Variants in SLC4A7 observed in about 807,000 individuals in gnomAD.
SLC4A7 encodes the protein solute carrier family 4 member 7.
A neutral mutation model predicts 137.6 loss-of-function variants in SLC4A7; 51 were observed. The ratio of observed to expected loss-of-function variants is 0.37; its 90% CI spans 0.30 to 0.47. SLC4A7 has a LOEUF of 0.47. Ranked by LOEUF, SLC4A7 falls within the 20% of genes least tolerant of loss-of-function variation. SLC4A7 has a pLI of 1.00. For missense variants in SLC4A7, 1,247 were observed against 1,525.4 expected, an observed-to-expected ratio of 0.82 and a Z score of 3.04; for synonymous variants, 542 against 518.6, an observed-to-expected ratio of 1.05 and a Z score of -0.61.
chr3:27,461,311 A>C (rs2058683190), intron 1 of SLC4A7, among the ~76,000 whole-genome samples: 1 of 151,982 alleles, frequency 6.6e-6, no homozygotes, highest in Admixed American at 6.6e-5. Flanking sequence ...GGCAGGGAGA[A>C]TTGCTTGAAC....
In SLC4A7 at chr3:27,424,400, A is replaced by G. The variant is rs554141678; in HGVS notation, c.1151-248T>C. The G allele has an allele frequency of 1.3e-5, 4 of 299,656 alleles. No individual in the cohort carries two copies. The South Asian group carries it at 4.9e-4, about 37-fold the overall frequency. 18.6% of individuals were successfully genotyped at this position (299,656 alleles called of 1,614,324 possible). On this transcript the variant is annotated intron_variant, in intron 7 of 25. Coordinates refer to ENST00000454389, the MANE Select transcript of SLC4A7 (RefSeq NM_001321103.2). ...TTTACAAAAATTGTGGCCTTTTGCA[A>G]AAAGAAATAAAACGTGAGTTGGTGT...
intron 13 of SLC4A7, among the ~76,000 whole-genome samples, chr3:27,407,762 T>C (rs1395637264): frequency 2.0e-5 from 3 of 152,046 alleles, no homozygotes; most frequent in Admixed American, 1.3e-4. Context: ...CTCCATCCCA[T>C]CCCTCCTTCA....
chr3:27,474,581 G>A (rs2059389482), intron 1 of SLC4A7, among the ~76,000 whole-genome samples: 2 of 151,510 alleles, frequency 1.3e-5, no homozygotes, highest in African/African-American at 2.4e-5. Flanking sequence ...CATGGTGGCG[G>A]GCACCTGTAA....
intron 10 of SLC4A7, 141 bp downstream of exon 10, chr3:27,420,559 C>T (rs2054864090): frequency 2.3e-6 from 1 of 436,360 alleles, no homozygotes. Flanking sequence ...ATAGGAGAAG[C>T]AAATATGAGA....
chr3:27,391,694 A>C, intron 21 of SLC4A7, 46 bp downstream of exon 21: 1 of 1,115,596 alleles, frequency 9.0e-7, no homozygotes, highest in Non-Finnish European at 1.3e-6. Context: ...TGCATACTTA[A>C]AATTATCAAG....
At chr3:27,426,146 C>T (rs1050844706) in intron 7 of SLC4A7, among the ~76,000 whole-genome samples, 2 of 152,198 alleles carry the variant, frequency 1.3e-5, no homozygotes, top group African/African-American at 4.8e-5. Context: ...CTGCTGTCAT[C>T]GTCACTTCTC....
At chr3:27,395,367 C>G (rs771899675) in intron 18 of SLC4A7, among the ~76,000 whole-genome samples, 8 of 152,148 alleles carry the variant, frequency 5.3e-5, no homozygotes, top group Admixed American at 1.3e-4. Flanking sequence ...CCCCTGAAAC[C>G]AGGATGACCC....
chr3:27,409,634 G>T, intron 12 of SLC4A7, 104 bp from the exon 13 acceptor site: 1 of 779,734 alleles, frequency 1.3e-6, no homozygotes, highest in Non-Finnish European at 2.0e-6. Flanking sequence ...TAGGTGTTTT[G>T]TCAACAAAAT....
chr3:27,439,833 T>C (rs540995464), intron 3 of SLC4A7, among the ~76,000 whole-genome samples: 18 of 152,318 alleles, frequency 1.2e-4, no homozygotes, highest in African/African-American at 4.3e-4. Flanking sequence ...AATTGTGAAA[T>C]GTGATGTTGA....
At position 27,421,674 on chromosome 3, in the gene SLC4A7, G is replaced by C. The variant is rs1456821679; in HGVS notation, c.1372C>G (p.Leu458Val). The change falls in exon 9 of 26, where the codon CTG becomes GTG. Residue 458 changes from leucine (L) to valine (V), a missense_variant. Physicochemically the swap from Leu to Val is conservative, Grantham distance 32. Around this residue, in one of 6 missense-constraint regions of SLC4A7, gnomAD observed 499 missense variants for 664.2 expected, o/e 0.75. Coordinates refer to ENST00000454389, the MANE Select transcript of SLC4A7 (RefSeq NM_001321103.2). Reference sequence around the variant, plus strand: ...CCTGTAAGGAGGACAGCAGGAGCCAGTCTCACAAATGCAATTATTGGCCTT... The same window carrying C: ...CCTGTAAGGAGGACAGCAGGAGCCACTCTCACAAATGCAATTATTGGCCTT... The part of the protein sequence containing the change: ...LERPIIAFVR[L>V]APAVLLTGLT... 6.2e-7 allele frequency: 1 copy of C among 1,613,924 alleles called. No individual in the cohort carries two copies. Among genetic ancestry groups the C allele is most frequent in the African/African-American group, 1.3e-5 (1 of 74,920 alleles).
At chr3:27,407,348 T>C (rs2053476704) in intron 13 of SLC4A7, among the ~76,000 whole-genome samples, 1 of 151,668 alleles carries the variant, frequency 6.6e-6, no homozygotes, top group South Asian at 2.1e-4. Context: ...GCCGTGGTGG[T>C]GGGCCCCTGT....
rs775324294 is a variant in SLC4A7 at position 27,403,269 on chromosome 3, AT to A, written c.2190del (p.Phe731LeufsTer25). ...AGGGCTGCAAAAGCCTCTTCTGTAA[AT>A]CGAGTAATATAACACACAAGGCTGC... ...DASSLVCYIT[R>X]FTEEAFAALI... On this transcript the variant is annotated frameshift_variant, in exon 15 of 26. Transcript: ENST00000454389. LOFTEE classifies it high-confidence loss of function. The A allele has an allele frequency of 6.2e-7, 1 of 1,614,064 alleles. No individual in the cohort carries two copies. Among genetic ancestry groups the A allele is most frequent in the South Asian group, 1.1e-5 (1 of 91,082 alleles).
chr3:27,451,001 G>A (rs2058038353), intron 2 of SLC4A7, among the ~76,000 whole-genome samples: 1 of 151,926 alleles, frequency 6.6e-6, no homozygotes, highest in African/African-American at 2.4e-5. Flanking sequence ...CTGTACATTT[G>A]AATTAGTAAA....
At chr3:27,379,891 G>T (rs1430570389) in intron 24 of SLC4A7, among the ~76,000 whole-genome samples, 2 of 152,060 alleles carry the variant, frequency 1.3e-5, no homozygotes, top group African/African-American at 4.8e-5. Context: ...CTCTGAAATT[G>T]AAAACAAAGC....
chr3:27,391,250 CTTCTAT>C, intron 21 of SLC4A7, among the ~76,000 whole-genome samples: 1 of 152,082 alleles, frequency 6.6e-6, no homozygotes, highest in South Asian at 2.1e-4. Flanking sequence ...TCAATAAGTC[CTTCTAT>C]TTCTGTTTCC....
chr3:27,393,234 A>C (rs955763845), intron 20 of SLC4A7, among the ~76,000 whole-genome samples: 1 of 152,142 alleles, frequency 6.6e-6, no homozygotes, highest in Non-Finnish European at 1.5e-5. Context: ...AACAAAAGTT[A>C]AAAAAAATTT....
At chr3:27,445,886 C>T (rs1407429419) in intron 3 of SLC4A7, among the ~76,000 whole-genome samples, 1 of 120,642 alleles carries the variant, frequency 8.3e-6, no homozygotes. Flanking sequence ...GAGCTGAGAT[C>T]GTGCCACCGC....
chr3:27,378,610 T>C (rs981510828), intron 25 of SLC4A7, among the ~76,000 whole-genome samples: 3 of 152,326 alleles, frequency 2.0e-5, no homozygotes, highest in African/African-American at 4.8e-5. Context: ...TTTCAATACA[T>C]GGTCCACTGT....
Position 27,386,008 on chromosome 3 carries a change from A to C in SLC4A7, c.3376T>G (p.Phe1126Val). Residue 1126 changes from phenylalanine to valine, a missense_variant, in exon 23 of 26, where the codon TTT becomes GTT. Physicochemically the swap from Phe to Val is conservative, Grantham distance 50 (BLOSUM62 -1). Around this residue, in one of 6 missense-constraint regions of SLC4A7, gnomAD observed 290 missense variants for 323.8 expected, o/e 0.90. Coordinates refer to ENST00000454389, the MANE Select transcript of SLC4A7 (RefSeq NM_001321103.2). ...VFPMMVLALV[F>V]VRKLMDLCFT... ...CACAGGTCCATGAGTTTGCGCACAA[A>C]CACTAATGCAAGAACCTTTAAAAAG... 6.2e-7 allele frequency: 1 copy of C among 1,605,564 alleles called. No homozygotes were observed. The highest frequency in any genetic ancestry group is 8.5e-7 in the Non-Finnish European group (1 of 1,177,108).
Sources: allele counts gnomAD v4.1 joint callset (sites outside exome capture counted in the v4.1 genomes callset), GRCh38; gene constraint gnomAD v4.1.1; regional missense constraint gnomAD v4.1.1; transcripts MANE v1.5; gene names NCBI Gene and HGNC (gene_info 2026-07-23, HGNC 2026-07-21).